PXDNL: variants seen among roughly 807,000 people sequenced by gnomAD.
PXDNL encodes the protein peroxidasin like.
In PXDNL, 145 loss-of-function variants were observed where a neutral mutation model predicts 150.8. The ratio of observed to expected loss-of-function variants is 0.96; its 90% confidence interval spans 0.84 to 1.10. The LOEUF (loss-of-function observed/expected upper bound fraction) is 1.10. PXDNL is among the 50% of genes least tolerant of loss of function. PXDNL has a pLI of 0.00. For synonymous variants in PXDNL, 757 were observed against 725.7 expected, an observed-to-expected ratio of 1.04 and a Z score of -0.69; for missense variants, 2,087 against 1,873.9, an observed-to-expected ratio of 1.11 and a Z score of -2.10.
chr8:51,402,971 T>A (rs1808307612), intron 17 of PXDNL, among the ~76,000 whole-genome samples: 1 of 150,544 alleles, frequency 6.6e-6, no homozygotes, highest in African/African-American at 2.5e-5. Context: ...GCGCCTATAG[T>A]CCCAGCTACT....
At chr8:51,777,057 A>G (rs1348797717) in intron 1 of PXDNL, among the ~76,000 whole-genome samples, 1 of 152,228 alleles carries the variant, frequency 6.6e-6, no homozygotes, top group East Asian at 1.9e-4. Context: ...CAAAGCAAGT[A>G]TACAAAGTAA....
chr8:51,394,556 C>G (rs1808019394), intron 17 of PXDNL, among the ~76,000 whole-genome samples: 1 of 152,104 alleles, frequency 6.6e-6, no homozygotes. Context: ...GCTAGTATAC[C>G]CTTGGACTTT....
At chr8:51,324,725 C>G (rs1052838931) in intron 21 of PXDNL, among the ~76,000 whole-genome samples, 5 of 152,184 alleles carry the variant, frequency 3.3e-5, no homozygotes, top group African/African-American at 1.2e-4. Context: ...AGCCCATCAA[C>G]TGATCTTTTT....
chr8:51,457,681 T>A lies in PXDNL; in HGVS notation c.813-14A>T. On this transcript the variant is annotated splice_polypyrimidine_tract_variant and intron_variant, in intron 8 of 22. Coordinates refer to ENST00000356297, the MANE Select transcript of PXDNL (RefSeq NM_144651.5). ...TCCAATGAGTGGCTGGAAATATAGG[T>A]TATACATGTATATTATTTAATCCCA... 1 of 1,601,742 alleles carries A rather than the reference T, an allele frequency of 6.2e-7. No homozygotes were observed. The highest frequency in any genetic ancestry group is 8.5e-7 in the Non-Finnish European group (1 of 1,170,412).
In PXDNL at chr8:51,408,997, G is replaced by A; in HGVS notation, c.2627C>T (p.Ala876Val). The A allele has an allele frequency of 6.2e-7, 1 of 1,611,326 alleles. No homozygotes were observed. The highest frequency in any genetic ancestry group is 8.5e-7 in the Non-Finnish European group (1 of 1,179,852). ...SPACASGRPS[A>V]TVDSVYAREQ... ...TCGTGCATAGACTGAATCCACCGTC[G>A]CAGAGGGACGGCCGCTGGCACACGC... is the stretch of plus-strand genomic sequence containing the variant. The change falls in exon 17 of 23, where the codon GCG becomes GTG. Residue 876 changes from alanine to valine, a missense_variant. By Grantham distance (64) the Ala-to-Val change is moderately conservative. Transcript: ENST00000356297.
chr8:51,523,440 G>T lies in PXDNL; in HGVS notation c.381-23670C>A, dbSNP rs1811702407. On this transcript the variant is annotated intron_variant, in intron 4 of 22. Coordinates refer to ENST00000356297, the MANE Select transcript of PXDNL (RefSeq NM_144651.5). ...TCACTGACTTGTGGTCTAAAAACCT[G>T]AATTCTAATTGTGTTCTGCTACTAA... Among the ~76,000 whole-genome samples the T allele has an allele frequency of 2.0e-5, 3 of 152,192 alleles. No individual in the cohort carries two copies. In the South Asian group the frequency reaches 6.2e-4, roughly 31 times the overall value.
At chr8:51,615,996 G>A (rs1166862780) in intron 2 of PXDNL, among the ~76,000 whole-genome samples, 2 of 152,112 alleles carry the variant, frequency 1.3e-5, no homozygotes, top group Non-Finnish European at 1.5e-5. Context: ...TCTGCCCAGT[G>A]ACTGCCTTTC....
intron 19 of PXDNL, among the ~76,000 whole-genome samples, chr8:51,352,076 T>C (rs1806370549): frequency 6.6e-6 from 1 of 152,034 alleles, no homozygotes; most frequent in Non-Finnish European, 1.5e-5. Context: ...AGGGTTACAT[T>C]AGTGTGTGGT....
In PXDNL at chr8:51,604,203, T is replaced by A. The variant is rs1184217597; in HGVS notation, c.237-11505A>T. On this transcript the variant is annotated intron_variant, in intron 2 of 22. Coordinates refer to ENST00000356297, the MANE Select transcript of PXDNL (RefSeq NM_144651.5). ...TGCTATAAAGACACATGCACACATA[T>A]GTTTATTGTGGCACTATTCACAATA... Among the ~76,000 whole-genome samples the A allele has an allele frequency of 3.3e-5, 5 of 152,290 alleles. 1 individual carries two copies. The highest frequency in any genetic ancestry group is 5.9e-5 in the Non-Finnish European group (4 of 68,018).
intron 19 of PXDNL, among the ~76,000 whole-genome samples, chr8:51,348,905 G>A (rs962650843): frequency 1.3e-5 from 2 of 152,150 alleles, no homozygotes; most frequent in Non-Finnish European, 2.9e-5. Context: ...GAGGAAAACA[G>A]AAGAAAGTTA....
Position 51,447,032 on chromosome 8 carries a change from C to T in PXDNL, c.1497G>A (p.Val499=). 2 of 1,613,956 alleles carry T rather than the reference C, an allele frequency of 1.2e-6. No individual in the cohort carries two copies. Among genetic ancestry groups the T allele is most frequent in the African/African-American group, 1.3e-5 (1 of 75,024 alleles). Residue 499 remains valine (V), a synonymous_variant, in exon 12 of 23, where the codon GTG becomes GTA. Transcript: ENST00000356297. The part of the protein sequence containing the change: ...QAVSSLGVKK[V]SVQLTVKPKA... Reference sequence around the variant, plus strand: ...TGGGTTTTACAGTCAGCTGCACAGACACCTTTTTCACCCCCAACGAACTGA... The same window carrying T: ...TGGGTTTTACAGTCAGCTGCACAGATACCTTTTTCACCCCCAACGAACTGA...
At position 51,608,002 on chromosome 8, in the gene PXDNL, G is replaced by GAAGAAAGAAAGAAAGAGA. The variant is rs1554557474; in HGVS notation, c.237-15305_237-15304insTCTCTTTCTTTCTTTCTT. Among the ~76,000 whole-genome samples, 164 of 64,464 alleles carry GAAGAAAGAAAGAAAGAGA rather than the reference G, an allele frequency of 2.5e-3. 11 individuals carry two copies. The highest frequency in any genetic ancestry group is 7.6e-3 in the Middle Eastern group (1 of 132). 42.3% of individuals were successfully genotyped at this position (64,464 alleles called of 152,430 possible). On this transcript the variant is annotated intron_variant, in intron 2 of 22. Coordinates refer to ENST00000356297, the MANE Select transcript of PXDNL (RefSeq NM_144651.5). ...GGAAGGAAGAGAGAGAGGAAGGAAG[G>GAAGAAAGAAAGAAAGAGA]AAGAAAGAAAGAAAGAAAGAAAGAA... is the stretch of plus-strand genomic sequence containing the variant.
chr8:51,791,392 T>C (rs887838423), intron 1 of PXDNL, among the ~76,000 whole-genome samples: 1 of 152,200 alleles, frequency 6.6e-6, no homozygotes. Context: ...CCTTCCAAAC[T>C]ACACAGAGGT....
At chr8:51,455,521 G>GA (rs901841066) in intron 9 of PXDNL, among the ~76,000 whole-genome samples, 21 of 152,124 alleles carry the variant, frequency 1.4e-4, no homozygotes, top group African/African-American at 5.1e-4. Context: ...GATGGAAGAG[G>GA]AAAAAAATGT....
intron 8 of PXDNL, 90 bp from the exon 9 acceptor site, chr8:51,457,757 T>A: frequency 2.4e-6 from 2 of 841,214 alleles, no homozygotes; most frequent in Non-Finnish European, 3.5e-6. Flanking sequence ...TATATAGCTA[T>A]GTTTCATGTC....
intron 5 of PXDNL, among the ~76,000 whole-genome samples, chr8:51,486,781 TATATATATATA>T (rs1186292981): frequency 0.09 from 1,921 of 21,340 alleles, 105 homozygotes; most frequent in Non-Finnish European, 0.12. Context: ...TATATATATA[TATATATATATA>T]TATTTTTTTT....
intron 4 of PXDNL, among the ~76,000 whole-genome samples, chr8:51,530,553 C>A (rs189105633): frequency 3.0e-4 from 45 of 152,316 alleles, no homozygotes; most frequent in Middle Eastern, 3.4e-3. Context: ...CATGACCACC[C>A]GGACTGCCCA....
rs1280889524 is a variant in PXDNL, at chr8:51,608,047, A to AAGAAAGAAAGAT, written c.237-15350_237-15349insATCTTTCTTTCT. ...AAAGAAAGAAAGAAAGAAAGAAAGAAAGAAAGAAAGCAAGCAAGCAAGCAA... is the reference window on the plus strand; with the variant it reads ...AAAGAAAGAAAGAAAGAAAGAAAGAAAGAAAGAAAGATAGAAAGAAAGCAAGCAAGCAAGCAA... On this transcript the variant is annotated intron_variant, in intron 2 of 22. Transcript: ENST00000356297. Among the ~76,000 whole-genome samples the AAGAAAGAAAGAT allele has an allele frequency of 3.4e-5, 4 of 119,060 alleles. No individual in the cohort carries two copies. The East Asian group carries it at 9.0e-4, about 27-fold the overall frequency. The allele number at this position is 119,060 out of a possible 152,430, so 78.1% of individuals were successfully genotyped here.
chr8:51,441,989 C>T (rs555116319), intron 12 of PXDNL, among the ~76,000 whole-genome samples: 3 of 152,176 alleles, frequency 2.0e-5, no homozygotes, highest in East Asian at 1.9e-4. Context: ...AAGGAGAGGT[C>T]GCCACACTGC....
Sources: gnomAD v4.1 joint callset for allele counts (sites outside exome capture counted in the v4.1 genomes callset) on GRCh38, gnomAD v4.1.1 for gene constraint, MANE v1.5 for transcripts, NCBI Gene and HGNC (gene_info 2026-07-23, HGNC 2026-07-21) for gene names.